DCC: variants seen among roughly 807,000 people sequenced by gnomAD.
DCC encodes the protein netrin receptor DCC.
In DCC, 58 loss-of-function variants were observed where a neutral mutation model predicts 172.5. The ratio of observed to expected loss-of-function variants is 0.34; its 90% CI spans 0.27 to 0.42. DCC has a LOEUF of 0.42. Among genes scored for constraint, DCC ranks in the 10% least tolerant of loss-of-function variants. The pLI is 1.00. For synonymous variants in DCC, 709 were observed against 644.5 expected (o/e 1.10, Z -1.52); for missense variants, 1,740 against 1,791.0 (o/e 0.97, Z 0.51).
intron 27 of DCC, among the ~76,000 whole-genome samples, chr18:53,525,822 A>G (rs1300049489): frequency 6.6e-6 from 1 of 152,156 alleles, no homozygotes; most frequent in Non-Finnish European, 1.5e-5. Flanking sequence ...TAAGAATGAC[A>G]TAACCCCTTA....
chr18:52,397,829 T>C (rs1190714824), intron 1 of DCC, among the ~76,000 whole-genome samples: 1 of 152,194 alleles, frequency 6.6e-6, no homozygotes, highest in East Asian at 1.9e-4. Context: ...TTTGTTTTCA[T>C]CTAGCAAACT....
intron 15 of DCC, among the ~76,000 whole-genome samples, chr18:53,355,249 G>T (rs1042831586): frequency 1.3e-5 from 2 of 151,744 alleles, no homozygotes; most frequent in African/African-American, 4.8e-5. Flanking sequence ...GATTGACTTG[G>T]CAATGCGGGC....
chr18:53,112,620 G>C (rs2043348845), intron 7 of DCC, among the ~76,000 whole-genome samples: 1 of 151,496 alleles, frequency 6.6e-6, no homozygotes, highest in Admixed American at 6.6e-5. Context: ...GCTGCCCTCA[G>C]ATAAGCTGTA....
intron 1 of DCC, among the ~76,000 whole-genome samples, chr18:52,626,627 T>G (rs954307467): frequency 6.6e-6 from 1 of 152,216 alleles, no homozygotes; most frequent in Admixed American, 6.5e-5. Flanking sequence ...ACTCACCTTG[T>G]ACCTTCCCAG....
At chr18:52,385,402 T>A (rs7230304) in intron 1 of DCC, among the ~76,000 whole-genome samples, 44,556 of 151,850 alleles carry the variant, frequency 0.29, 6,869 homozygotes, top group African/African-American at 0.36. Context: ...CAGTCTCCCA[T>A]GTAGCTAGGA....
chr18:52,693,858 G>C (rs938735978), intron 1 of DCC, among the ~76,000 whole-genome samples: 1 of 152,126 alleles, frequency 6.6e-6, no homozygotes, highest in African/African-American at 2.4e-5. Context: ...AAATATACAT[G>C]AGTACGTGCT....
At chr18:53,380,006 G>A (rs555135343) in intron 15 of DCC, among the ~76,000 whole-genome samples, 4 of 152,108 alleles carry the variant, frequency 2.6e-5, no homozygotes, top group Non-Finnish European at 5.9e-5. Flanking sequence ...AAATTTTTAA[G>A]CCTATATATT....
At position 53,436,119 on chromosome 18, in the gene DCC, C is replaced by T. The variant is rs149428672; in HGVS notation, c.3229+910C>T. On this transcript the variant is annotated intron_variant, in intron 22 of 28. Coordinates refer to ENST00000442544, the MANE Select transcript of DCC (RefSeq NM_005215.4). Reference sequence around the variant, plus strand: ...ACATGCTTCTTAACACTGTTCCTCACTCTGATATAAGTGCTCTAATTTGAT... The same window carrying T: ...ACATGCTTCTTAACACTGTTCCTCATTCTGATATAAGTGCTCTAATTTGAT... 7.8e-3 allele frequency among the ~76,000 whole-genome samples: 1,194 copies of T among 152,284 alleles called. 4 individuals are homozygous for T. The highest frequency in any genetic ancestry group is 0.034 in the Middle Eastern group (10 of 294).
At chr18:52,667,986 G>A (rs779833919) in intron 1 of DCC, among the ~76,000 whole-genome samples, 5 of 151,658 alleles carry the variant, frequency 3.3e-5, no homozygotes, top group Non-Finnish European at 5.9e-5. Context: ...ATTGAGGGGC[G>A]TCTTTTTAAC....
chr18:52,880,173 C>T (rs1169669037), intron 2 of DCC, among the ~76,000 whole-genome samples: 2 of 151,746 alleles, frequency 1.3e-5, no homozygotes, highest in Middle Eastern at 3.2e-3. Flanking sequence ...ACTCTGTCAC[C>T]CAGGCTGGAG....
At chr18:53,107,888 C>T (rs1038031698) in intron 7 of DCC, among the ~76,000 whole-genome samples, 8 of 151,658 alleles carry the variant, frequency 5.3e-5, no homozygotes, top group South Asian at 4.1e-4. Context: ...TTTTCTATTA[C>T]GTTTTATTTC....
At chr18:53,086,406 C>CTTCTTCTTCTTCTTCTTCTTCCT (rs1212853009) in intron 7 of DCC, among the ~76,000 whole-genome samples, 4 of 27,276 alleles carry the variant, frequency 1.5e-4, no homozygotes, top group Non-Finnish European at 2.7e-4. Flanking sequence ...TTCTTCCTTT[C>CTTCTTCTTCTTCTTCTTCTTCCT]TTCTTCTTCT....
chr18:52,387,574 T>TGTTCCTTCCTTCCTTCCTTCCTTC (rs551481939), intron 1 of DCC, among the ~76,000 whole-genome samples: 10 of 121,996 alleles, frequency 8.2e-5, no homozygotes, highest in Admixed American at 4.2e-4. Context: ...TTGTTTTGTT[T>TGTTCCTTCCTTCCTTCCTTCCTTC]CTTCCTTCCT....
chr18:52,669,248 C>T (rs2035509313), intron 1 of DCC, among the ~76,000 whole-genome samples: 1 of 152,170 alleles, frequency 6.6e-6, no homozygotes, highest in Non-Finnish European at 1.5e-5. Context: ...CCATCAAGTG[C>T]AGAGTCTGCA....
Position 53,135,457 on chromosome 18 carries a change from G to T in DCC, c.1262-21899G>T, listed in dbSNP as rs2043726399. 3.3e-5 allele frequency among the ~76,000 whole-genome samples: 5 copies of T among 152,230 alleles called. No homozygotes were observed. In the South Asian group the frequency reaches 8.3e-4, roughly 25 times the overall value. ...GAAAGGCAATAAAATTTGATATTTT[G>T]ATTTTTACACTCCTTATCCCACATC... is the stretch of plus-strand genomic sequence containing the variant. On this transcript the variant is annotated intron_variant, in intron 7 of 28. Transcript: ENST00000442544.
chr18:53,446,096 T>TAGAAAAAAAAAA (rs1167100791), intron 22 of DCC, among the ~76,000 whole-genome samples: 2 of 14,410 alleles, frequency 1.4e-4, no homozygotes, highest in African/African-American at 4.7e-4. Context: ...ACCCTGTCTC[T>TAGAAAAAAAAAA]ACAAAAAAAA....
intron 1 of DCC, among the ~76,000 whole-genome samples, chr18:52,658,372 A>G (rs988035551): frequency 1.4e-4 from 21 of 152,222 alleles, no homozygotes; most frequent in Admixed American, 9.8e-4. Flanking sequence ...AAATGATCAA[A>G]TAGCCAAATT....
At chr18:52,394,185 G>A (rs746063714) in intron 1 of DCC, among the ~76,000 whole-genome samples, 22 of 151,988 alleles carry the variant, frequency 1.4e-4, no homozygotes, top group African/African-American at 4.8e-4. Context: ...AGGCATCCTC[G>A]TCTTTCTATT....
intron 26 of DCC, among the ~76,000 whole-genome samples, chr18:53,491,033 A>G (rs141530423): frequency 1.4e-3 from 219 of 152,240 alleles, no homozygotes; most frequent in African/African-American, 5.0e-3. Context: ...ATGTGGTACT[A>G]AGGATGGATT....
Sources: gnomAD v4.1 joint callset for allele counts (sites outside exome capture counted in the v4.1 genomes callset) on GRCh38, gnomAD v4.1.1 for gene constraint, MANE v1.5 for transcripts, NCBI Gene and HGNC (gene_info 2026-07-23, HGNC 2026-07-21) for gene names.